The following NAV3 variants were observed in gnomAD, a reference collection of about 807,000 sequenced individuals.
NAV3 encodes neuron navigator 3, also known as pore membrane and/or filament interacting like protein 1.
A neutral mutation model predicts 244.7 loss-of-function variants in NAV3; 87 were observed. The ratio of observed to expected loss-of-function variants is 0.36; its 90% CI spans 0.30 to 0.42. NAV3 has a LOEUF of 0.42. Among genes scored for constraint, NAV3 ranks in the 20% least tolerant of loss-of-function variants. The pLI, the probability that NAV3 is intolerant of heterozygous loss-of-function variation, is 1.00. For missense variants in NAV3, 2,663 were observed against 2,893.3 expected (o/e 0.92, Z 1.83); for synonymous variants, 1,126 against 1,042.2 (o/e 1.08, Z -1.55).
chr12:77,763,696 C>T (rs1349132479), intron 2 of NAV3, among the ~76,000 whole-genome samples: 1 of 152,086 alleles, frequency 6.6e-6, no homozygotes, highest in Non-Finnish European at 1.5e-5. Context: ...TGGGAGGGAC[C>T]CCTTGCCAGG....
chr12:78,104,217 T>C (rs1397813997), intron 12 of NAV3, among the ~76,000 whole-genome samples: 1 of 152,168 alleles, frequency 6.6e-6, no homozygotes, highest in East Asian at 1.9e-4. Flanking sequence ...TACATGTACA[T>C]GTGTAAGTAG....
At chr12:78,035,296 G>A (rs1879667163) in intron 9 of NAV3, among the ~76,000 whole-genome samples, 1 of 152,054 alleles carries the variant, frequency 6.6e-6, no homozygotes, top group African/African-American at 2.4e-5. Context: ...TCCCTCATTT[G>A]ATAAAGGAGA....
At chr12:77,746,672 G>T (rs1868561893) in intron 2 of NAV3, among the ~76,000 whole-genome samples, 2 of 152,030 alleles carry the variant, frequency 1.3e-5, no homozygotes, top group Non-Finnish European at 2.9e-5. Flanking sequence ...GCTGAACAGT[G>T]GATTTACTGA....
At chr12:77,954,127 T>C (rs1012149356) in intron 3 of NAV3, among the ~76,000 whole-genome samples, 3 of 152,180 alleles carry the variant, frequency 2.0e-5, no homozygotes, top group Admixed American at 1.3e-4. Context: ...GTAAAATGCA[T>C]TGGATATTTG....
chr12:77,824,729 C>G (rs1872898811), intron 2 of NAV3, among the ~76,000 whole-genome samples: 2 of 151,802 alleles, frequency 1.3e-5, no homozygotes. Context: ...CCTGTATCTA[C>G]TAAAAACACA....
intron 1 of NAV3, among the ~76,000 whole-genome samples, chr12:77,930,801 G>A (rs947120710): frequency 6.6e-6 from 1 of 152,060 alleles, no homozygotes; most frequent in Admixed American, 6.6e-5. Context: ...CCAACTGTTG[G>A]AAAGTTTGTC....
chr12:78,204,820 T>C, intron 38 of NAV3, 115 bp from the exon 39 acceptor site: 1 of 838,552 alleles, frequency 1.2e-6, no homozygotes, highest in Non-Finnish European at 1.8e-6. Context: ...CTTAATTCTC[T>C]TGAAAGTCCC....
chr12:77,856,911 A>G (rs1357473499), intron 1 of NAV3, among the ~76,000 whole-genome samples: 1 of 152,122 alleles, frequency 6.6e-6, no homozygotes, highest in Non-Finnish European at 1.5e-5. Context: ...ACTTTGGACA[A>G]CGGAAGGCTA....
At chr12:77,696,730 T>C (rs1293211127) in intron 2 of NAV3, among the ~76,000 whole-genome samples, 1 of 152,138 alleles carries the variant, frequency 6.6e-6, no homozygotes, top group African/African-American at 2.4e-5. Flanking sequence ...ATTTGCTGAA[T>C]AAGTCAATAA....
intron 34 of NAV3, among the ~76,000 whole-genome samples, chr12:78,193,083 TA>T (rs1414385978): frequency 6.6e-6 from 1 of 152,212 alleles, no homozygotes; most frequent in Non-Finnish European, 1.5e-5. Context: ...TGACGCATTT[TA>T]TGCTGTGCCA....
At chr12:78,201,072 C>CTTTTTTTT (rs549973376) in intron 38 of NAV3, among the ~76,000 whole-genome samples, 1 of 90,310 alleles carries the variant, frequency 1.1e-5, no homozygotes, top group Non-Finnish European at 2.0e-5. Context: ...TCTTCTCCTT[C>CTTTTTTTT]TTTTTTTTTT....
chr12:77,819,576 G>A (rs765501813), intron 2 of NAV3, among the ~76,000 whole-genome samples: 11 of 151,750 alleles, frequency 7.2e-5, no homozygotes, highest in East Asian at 5.8e-4. Context: ...TACTCTCACC[G>A]TTGCTCTATA....
At chr12:77,757,068 C>G (rs1283957936) in intron 2 of NAV3, among the ~76,000 whole-genome samples, 1 of 152,166 alleles carries the variant, frequency 6.6e-6, no homozygotes, top group Non-Finnish European at 1.5e-5. Flanking sequence ...TTATTTCTTG[C>G]TCATGTTAAA....
chr12:78,158,108 C>T (rs1373752224), intron 22 of NAV3, among the ~76,000 whole-genome samples: 1 of 152,110 alleles, frequency 6.6e-6, no homozygotes, highest in African/African-American at 2.4e-5. Context: ...GGTGCCTCAG[C>T]ATTTCCACTC....
intron 1 of NAV3, among the ~76,000 whole-genome samples, chr12:77,903,891 A>G (rs1457774646): frequency 1.3e-5 from 2 of 152,242 alleles, no homozygotes; most frequent in East Asian, 3.8e-4. Flanking sequence ...GACACATGAA[A>G]AAATGCTCAT....
chr12:77,851,816 C>A (rs553502401), intron 1 of NAV3, among the ~76,000 whole-genome samples: 1 of 152,300 alleles, frequency 6.6e-6, no homozygotes, highest in East Asian at 1.9e-4. Flanking sequence ...ACTGTAACTT[C>A]ATGAAAGACT....
intron 2 of NAV3, among the ~76,000 whole-genome samples, chr12:77,604,866 C>A (rs1592496509): frequency 6.6e-6 from 1 of 152,076 alleles, no homozygotes; most frequent in African/African-American, 2.4e-5. Context: ...TGTGTTAACA[C>A]TACATTGTTT....
At chr12:77,694,599 CA>C (rs1875206534) in intron 2 of NAV3, among the ~76,000 whole-genome samples, 1 of 152,118 alleles carries the variant, frequency 6.6e-6, no homozygotes, top group Admixed American at 6.6e-5. Context: ...TACCAATCTA[CA>C]CTTAACATGA....
chr12:77,972,307 G>T (rs1193894579), intron 5 of NAV3, among the ~76,000 whole-genome samples: 1 of 152,038 alleles, frequency 6.6e-6, no homozygotes, highest in Admixed American at 6.6e-5. Flanking sequence ...TTAAAGTAAA[G>T]GTGGGATTCA....
Sources: allele counts gnomAD v4.1 joint callset (sites outside exome capture counted in the v4.1 genomes callset), GRCh38; gene constraint gnomAD v4.1.1; transcripts MANE v1.5; gene names NCBI Gene and HGNC (gene_info 2026-07-23, HGNC 2026-07-21).